The following ATP10A variants were observed in gnomAD, a reference collection of about 807,000 sequenced individuals.
ATP10A encodes the protein phospholipid-transporting ATPase VA.
ATP10A carries 111 observed loss-of-function variants against 147.8 expected under a neutral mutation model. The observed-to-expected ratio is 0.75, with a 90% CI of 0.64 to 0.88. The LOEUF is 0.88. ATP10A is among the 40% of genes least tolerant of loss of function. The pLI, the probability that ATP10A is intolerant of heterozygous loss-of-function variation, is 0.00. For synonymous variants in ATP10A, 875 were observed against 841.6 expected (o/e 1.04, Z -0.69); for missense variants, 1,927 against 1,959.0 (o/e 0.98, Z 0.31).
At chr15:25,780,328 G>A (rs1229589103) in intron 2 of ATP10A, among the ~76,000 whole-genome samples, 1 of 152,266 alleles carries the variant, frequency 6.6e-6, no homozygotes, top group Non-Finnish European at 1.5e-5. Flanking sequence ...AGGCTTGGGA[G>A]GAGAAGGCTC....
chr15:25,815,077 C>T (rs1226039183), intron 1 of ATP10A, among the ~76,000 whole-genome samples: 1 of 152,164 alleles, frequency 6.6e-6, no homozygotes, highest in Non-Finnish European at 1.5e-5. Context: ...TTAAAATCAA[C>T]TTGATTAGAT....
chr15:25,810,860 T>C (rs1484153716), intron 1 of ATP10A, among the ~76,000 whole-genome samples: 1 of 151,962 alleles, frequency 6.6e-6, no homozygotes, highest in Non-Finnish European at 1.5e-5. Context: ...ATCAACTACG[T>C]CTGACAGCTA....
chr15:25,708,534 T>A (rs1421325548), intron 10 of ATP10A: 1 of 469,534 alleles, frequency 2.1e-6, no homozygotes, highest in Non-Finnish European at 3.8e-6. Context: ...TTGCCCAGGC[T>A]GGTCACGAAC....
At chr15:25,803,302 G>T (rs60015108) in intron 1 of ATP10A, among the ~76,000 whole-genome samples, 1 of 152,160 alleles carries the variant, frequency 6.6e-6, no homozygotes, top group Non-Finnish European at 1.5e-5. Context: ...GCATTCATGC[G>T]TTCATTCAGG....
intron 2 of ATP10A, among the ~76,000 whole-genome samples, chr15:25,751,114 G>T (rs1291486040): frequency 1.3e-5 from 2 of 152,032 alleles, no homozygotes; most frequent in Non-Finnish European, 2.9e-5. Flanking sequence ...AATACAAGAT[G>T]CAAATATGTT....
chr15:25,854,795 C>T (rs910034595), intron 1 of ATP10A, among the ~76,000 whole-genome samples: 4 of 152,160 alleles, frequency 2.6e-5, no homozygotes, highest in East Asian at 1.9e-4. Context: ...CAGTGGCTCA[C>T]GCTTGTAATC....
intron 2 of ATP10A, 34 bp from the exon 3 acceptor site, chr15:25,736,175 C>G: frequency 6.3e-7 from 1 of 1,582,628 alleles, no homozygotes; most frequent in Non-Finnish European, 8.7e-7. Flanking sequence ...TAGAGAAATC[C>G]GGGCTCAGGC....
intron 2 of ATP10A, among the ~76,000 whole-genome samples, chr15:25,772,339 G>C (rs2140669674): frequency 6.6e-6 from 1 of 152,176 alleles, no homozygotes; most frequent in Middle Eastern, 3.4e-3. Flanking sequence ...GCGGCAGTCT[G>C]ATCTCAGCTT....
At chr15:25,842,700 GT>G (rs1182333460) in intron 1 of ATP10A, among the ~76,000 whole-genome samples, 1 of 151,788 alleles carries the variant, frequency 6.6e-6, no homozygotes, top group East Asian at 1.9e-4. Flanking sequence ...ATAGGTAAAC[GT>G]CTTTGACTCC....
At chr15:25,721,597 T>G (rs1902232794) in intron 7 of ATP10A, 60 bp downstream of exon 7, 4 of 1,554,086 alleles carry the variant, frequency 2.6e-6, no homozygotes, top group Non-Finnish European at 3.5e-6. Context: ...TCCAAACAAT[T>G]CTGGATAGGG....
At chr15:25,846,069 T>C (rs1179143410) in intron 1 of ATP10A, among the ~76,000 whole-genome samples, 2 of 152,100 alleles carry the variant, frequency 1.3e-5, no homozygotes, top group Non-Finnish European at 2.9e-5. Flanking sequence ...GGACAAGTAC[T>C]GTGTGATTCC....
In ATP10A at chr15:25,727,348, G is replaced by C. The variant is rs570922628; in HGVS notation, c.741-82C>G. 5.5e-4 allele frequency: 676 copies of C among 1,236,688 alleles called. 1 individual carries two copies. Among genetic ancestry groups the C allele is most frequent in the Non-Finnish European group, 6.9e-4 (579 of 843,232 alleles). 76.6% of individuals were successfully genotyped at this position (1,236,688 alleles called of 1,614,324 possible). A position where few individuals can be genotyped will look rare whatever the true frequency, so the allele number is the denominator to read the frequency against. On this transcript the variant is annotated intron_variant, in intron 3 of 20. Coordinates refer to ENST00000555815, the MANE Select transcript of ATP10A (RefSeq NM_024490.4). ...GAGCCGCAATGCCTTGAGGAAGGAA[G>C]GCCCTGACACAATGAAAGCTTGGGG...
chr15:25,855,095 G>C (rs544193746), intron 1 of ATP10A, among the ~76,000 whole-genome samples: 2 of 148,492 alleles, frequency 1.3e-5, no homozygotes, highest in Admixed American at 6.7e-5. Flanking sequence ...AAAGAAAATA[G>C]TGGAAACATG....
downstream of ATP10A, among the ~76,000 whole-genome samples, chr15:25,676,667 C>T (rs902006806): frequency 6.6e-6 from 1 of 152,032 alleles, no homozygotes; most frequent in Non-Finnish European, 1.5e-5. Context: ...CCTGAGAAGG[C>T]CTTTTTATCA....
intron 1 of ATP10A, among the ~76,000 whole-genome samples, chr15:25,852,236 GTGCCATCCTCCCTCCTATTGAA>G (rs1291369759): frequency 6.7e-6 from 1 of 149,814 alleles, no homozygotes; most frequent in Non-Finnish European, 1.5e-5. Flanking sequence ...CTCCTGTTAA[GTGCCATCCTCCCTCCTATTGAA>G]TGCCATCCTC....
intron 1 of ATP10A, among the ~76,000 whole-genome samples, chr15:25,809,161 G>T (rs1471636810): frequency 6.6e-6 from 1 of 152,170 alleles, no homozygotes; most frequent in Non-Finnish European, 1.5e-5. Context: ...CTGTGGGTCA[G>T]GGCTCCCCAG....
intron 12 of ATP10A, among the ~76,000 whole-genome samples, chr15:25,706,215 C>T (rs1901002584): frequency 6.6e-6 from 1 of 152,124 alleles, no homozygotes; most frequent in Non-Finnish European, 1.5e-5. Context: ...CCGTTAACAA[C>T]TTAGGATATG....
chr15:25,862,619 G>A (rs1377522360), intron 1 of ATP10A, 29 bp downstream of exon 1: 3 of 1,520,312 alleles, frequency 2.0e-6, no homozygotes, highest in Non-Finnish European at 2.6e-6. Flanking sequence ...GCGCCACCGC[G>A]CGCTCGCTCG....
chr15:25,804,263 T>G (rs940418030), intron 1 of ATP10A, among the ~76,000 whole-genome samples: 1 of 151,764 alleles, frequency 6.6e-6, no homozygotes, highest in Non-Finnish European at 1.5e-5. Context: ...GCATGGTGTG[T>G]GTGTGGTTAT....
Sources: gnomAD v4.1 joint callset for allele counts (sites outside exome capture counted in the v4.1 genomes callset) on GRCh38, gnomAD v4.1.1 for gene constraint, MANE v1.5 for transcripts, NCBI Gene and HGNC (gene_info 2026-07-23, HGNC 2026-07-21) for gene names.